ABCC2: variants seen among roughly 807,000 people sequenced by gnomAD.
ABCC2 encodes the protein ATP binding cassette subfamily C member 2, also known as ATP-binding cassette sub-family C member 2.
A neutral mutation model predicts 173.4 loss-of-function variants in ABCC2; 157 were observed. The ratio of observed to expected loss-of-function variants is 0.91; its 90% confidence interval spans 0.80 to 1.03. The LOEUF is 1.03. ABCC2 is among the 50% of genes least tolerant of loss of function. ABCC2 has a pLI of 0.00. For synonymous variants in ABCC2, 657 were observed against 693.5 expected, an observed-to-expected ratio of 0.95 and a Z score of 0.83; for missense variants, 1,822 against 1,852.3, an observed-to-expected ratio of 0.98 and a Z score of 0.30.
chr10:99,812,010 G>C (rs536156571), intron 15 of ABCC2, among the ~76,000 whole-genome samples: 2 of 152,310 alleles, frequency 1.3e-5, no homozygotes, highest in South Asian at 4.1e-4. Context: ...TGGCTTCTCA[G>C]TGTGTATCTT....
chr10:99,819,097 CTT>C lies in ABCC2; in HGVS notation c.2449_2450del (p.Leu817GlyfsTer4). The stretch of plus-strand genomic sequence containing the variant: ...TCATATTATTTTTATAGACTCGACT[CTT>C]GGTTACACATAGCATGCACTTTCTT... ...NGLLKGKTRLLVTHSMHFLPQ... is the reference protein window; with the variant it reads ...NGLLKGKTRLXVTHSMHFLPQ... On this transcript the variant is annotated frameshift_variant, in exon 19 of 32. Transcript: ENST00000647814. LOFTEE classifies it high-confidence loss of function. 1 of 1,614,076 alleles carries C rather than the reference CTT, an allele frequency of 6.2e-7. No individual in the cohort carries two copies. Among genetic ancestry groups the C allele is most frequent in the Non-Finnish European group, 8.5e-7 (1 of 1,179,994 alleles).
rs541146836 is a variant in ABCC2, at chr10:99,814,225, A to G, written c.2094+1081A>G. On this transcript the variant is annotated intron_variant, in intron 16 of 31. Transcript: ENST00000647814. ...TATATACACACATGTGTATATATAC[A>G]CACATGTGTATATATGCACACACGT... Among the ~76,000 whole-genome samples the G allele has an allele frequency of 1.6e-3, 119 of 72,350 alleles. 38 individuals are homozygous for G. The highest frequency in any genetic ancestry group is 2.3e-3 in the Non-Finnish European group (78 of 34,222). 47.5% of individuals were successfully genotyped at this position (72,350 alleles called of 152,430 possible).
intron 17 of ABCC2, 60 bp downstream of exon 17, chr10:99,817,544 A>C: frequency 6.3e-7 from 1 of 1,578,604 alleles, no homozygotes; most frequent in South Asian, 1.1e-5. Context: ...AAAAGTGAGG[A>C]TGGTGGTGAA....
chr10:99,800,359 A>C, intron 8 of ABCC2, 27 bp from the exon 9 acceptor site: 2 of 1,613,888 alleles, frequency 1.2e-6, no homozygotes, highest in Non-Finnish European at 1.7e-6. Context: ...CCTTATGGGT[A>C]TAACTAACTT....
At chr10:99,839,656 C>G (rs2038905248) in intron 25 of ABCC2, among the ~76,000 whole-genome samples, 1 of 21,328 alleles carries the variant, frequency 4.7e-5, no homozygotes. Context: ...GGAGAGGCTC[C>G]TTACTTCTCA....
intron 19 of ABCC2, among the ~76,000 whole-genome samples, chr10:99,822,693 T>C (rs1286348024): frequency 6.6e-6 from 1 of 152,034 alleles, no homozygotes; most frequent in African/African-American, 2.4e-5. Flanking sequence ...TTTCTATAAA[T>C]GTTTAAAAAA....
chr10:99,845,810 T>A, intron 29 of ABCC2, 28 bp downstream of exon 29: 1 of 1,597,464 alleles, frequency 6.3e-7, no homozygotes, highest in Non-Finnish European at 8.5e-7. Flanking sequence ...CTCGGGCACA[T>A]GCCGTGGGGA....
In ABCC2 at chr10:99,793,783, T is replaced by C. The variant is rs949062130; in HGVS notation, c.468+98T>C. 67 of 1,580,988 alleles carry C rather than the reference T, an allele frequency of 4.2e-5. No individual in the cohort carries two copies. In the South Asian group the frequency reaches 6.5e-4, roughly 15 times the overall value. ...AGTTGAGCTCCAGGATCGAATTGTA[T>C]TAGAGGGATTTGATCATAGGCTTTA... On this transcript the variant is annotated intron_variant, in intron 4 of 31. Transcript: ENST00000647814.
intron 22 of ABCC2, 69 bp downstream of exon 22, chr10:99,831,899 G>A: frequency 1.2e-6 from 2 of 1,611,240 alleles, no homozygotes. Context: ...ACTCAGGAAT[G>A]CATTTGCCAT....
rs147471996 is a variant in ABCC2, at chr10:99,784,725, G to A, written c.151G>A (p.Val51Met). 1.8e-5 allele frequency: 29 copies of A among 1,614,170 alleles called. No homozygotes were observed. In the Admixed American group the frequency reaches 1.8e-4, roughly 10 times the overall value. Residue 51 changes from valine to methionine, a missense_variant, in exon 2 of 32, where the codon GTG (valine) becomes ATG (methionine). By Grantham distance (21) the Val-to-Met change is conservative. Transcript: ENST00000647814. ...CCTGGCCCCCTGGCAGCTTCTCCAC[G>A]TGTATAAATCCAGGACCAAGAGATC... ...WLLAPWQLLH[V>M]YKSRTKRSST...
In ABCC2 at chr10:99,845,762, A is replaced by C; in HGVS notation, c.4126A>C (p.Lys1376Gln). The C allele has an allele frequency of 1.2e-6, 2 of 1,612,482 alleles. No homozygotes were observed. The highest frequency in any genetic ancestry group is 1.7e-6 in the Non-Finnish European group (2 of 1,179,686). The change falls in exon 29 of 32, where the codon AAG becomes CAG. Residue 1376 changes from lysine to glutamine, a missense_variant. By Grantham distance (53) the Lys-to-Gln change is moderately conservative. Coordinates refer to ENST00000647814, the MANE Select transcript of ABCC2 (RefSeq NM_000392.5). The stretch of plus-strand genomic sequence containing the variant: ...CATTGGGCTCCACGACCTCCGAGAG[A>C]AGCTGACCATCATCCCCCAGGTGAG... ...ASIGLHDLREKLTIIPQDPIL... is the reference protein window; with the variant it reads ...ASIGLHDLREQLTIIPQDPIL...
intron 28 of ABCC2, among the ~76,000 whole-genome samples, chr10:99,844,929 G>A (rs994058589): frequency 6.6e-6 from 1 of 152,210 alleles, no homozygotes; most frequent in African/African-American, 2.4e-5. Context: ...GAGCAAGGAC[G>A]CTGAGGTCCA....
chr10:99,791,834 C>T (rs2037815833), intron 2 of ABCC2, among the ~76,000 whole-genome samples: 1 of 152,188 alleles, frequency 6.6e-6, no homozygotes, highest in Non-Finnish European at 1.5e-5. Context: ...AGACAGAGAA[C>T]AAGGAGAAAT....
intron 19 of ABCC2, among the ~76,000 whole-genome samples, chr10:99,821,201 C>T (rs1022430402): frequency 3.3e-5 from 5 of 152,248 alleles, no homozygotes; most frequent in Non-Finnish European, 7.3e-5. Context: ...GTATTGCTGC[C>T]TGCTTGTCCC....
intron 17 of ABCC2, among the ~76,000 whole-genome samples, chr10:99,817,837 G>A (rs1258435901): frequency 6.6e-6 from 1 of 152,224 alleles, no homozygotes; most frequent in Non-Finnish European, 1.5e-5. Flanking sequence ...TTCTGTATCA[G>A]TGAGGCCAGA....
At chr10:99,815,149 A>G (rs904951661) in intron 16 of ABCC2, among the ~76,000 whole-genome samples, 4 of 151,714 alleles carry the variant, frequency 2.6e-5, no homozygotes, top group African/African-American at 4.9e-5. Flanking sequence ...CCCTGTATCC[A>G]TGTGTTCTCC....
intron 16 of ABCC2, 130 bp downstream of exon 16, chr10:99,813,274 C>A: frequency 1.6e-6 from 2 of 1,248,836 alleles, no homozygotes; most frequent in Non-Finnish European, 2.2e-6. Context: ...GATTTGTGGA[C>A]TGTGATTCTC....
At chr10:99,789,793 T>C (rs1339652824) in intron 2 of ABCC2, among the ~76,000 whole-genome samples, 5 of 148,042 alleles carry the variant, frequency 3.4e-5, no homozygotes, top group Admixed American at 3.3e-4. Context: ...ACTGTAAAAA[T>C]GGCTAAGGCT....
Position 99,792,311 on chromosome 10 carries a change from A to C in ABCC2, c.285A>C (p.Thr95=), listed in dbSNP as rs1385566207. ...LVLTEDSGQA[T]VPAVRYTNPS... The stretch of plus-strand genomic sequence containing the variant: ...TCACAGAAGACTCTGGACAAGCCAC[A>C]GTCCCTGCTGTTCGATATACCAATC... The change falls in exon 3 of 32, where the codon ACA becomes ACC. Residue 95 remains threonine, a synonymous_variant. Transcript: ENST00000647814. 2.5e-6 allele frequency: 4 copies of C among 1,614,162 alleles called. No individual in the cohort carries two copies. In the African/African-American group the frequency reaches 5.3e-5, roughly 22 times the overall value.
Sources: allele counts gnomAD v4.1 joint callset (sites outside exome capture counted in the v4.1 genomes callset), GRCh38; gene constraint gnomAD v4.1.1; transcripts MANE v1.5; gene names NCBI Gene and HGNC (gene_info 2026-07-23, HGNC 2026-07-21).